TMEM181: variants seen among roughly 807,000 people sequenced by gnomAD.
TMEM181 encodes the protein G protein-coupled receptor 178.
TMEM181 carries 39 observed loss-of-function variants against 71.9 expected under a neutral mutation model. That is an observed-to-expected ratio of 0.54 (90% confidence interval 0.42 to 0.71). TMEM181 has a LOEUF of 0.71. Ranked by LOEUF, TMEM181 falls within the 30% of genes least tolerant of loss-of-function variation. The pLI, the probability that TMEM181 is intolerant of heterozygous loss-of-function variation, is 0.00. For missense variants in TMEM181, 595 were observed against 583.0 expected (o/e 1.02, Z -0.21); for synonymous variants, 245 against 228.8 (o/e 1.07, Z -0.64).
At chr6:158,601,643 C>T (rs1427342931) in intron 6 of TMEM181, among the ~76,000 whole-genome samples, 1 of 151,826 alleles carries the variant, frequency 6.6e-6, no homozygotes, top group African/African-American at 2.4e-5. Flanking sequence ...CCTGTAGTCC[C>T]AGCTGCTTGG....
intron 1 of TMEM181, among the ~76,000 whole-genome samples, chr6:158,551,254 C>G (rs1039131217): frequency 6.6e-6 from 1 of 152,084 alleles, no homozygotes; most frequent in African/African-American, 2.4e-5. Flanking sequence ...ACCACTGTGC[C>G]CGGCTCAATT....
At chr6:158,583,189 C>A (rs551835701) in intron 3 of TMEM181, among the ~76,000 whole-genome samples, 6 of 152,014 alleles carry the variant, frequency 3.9e-5, no homozygotes, top group African/African-American at 1.5e-4. Flanking sequence ...GCCGAGATCA[C>A]GCCCCTGCTC....
chr6:158,554,571 A>G (rs995300319), intron 1 of TMEM181, among the ~76,000 whole-genome samples: 1 of 152,204 alleles, frequency 6.6e-6, no homozygotes, highest in Non-Finnish European at 1.5e-5. Flanking sequence ...TTCATTATAC[A>G]TTGTTTTGCT....
chr6:158,560,139 G>C lies in TMEM181; in HGVS notation c.-86G>C. 1 of 984,854 alleles carries C rather than the reference G, an allele frequency of 1.0e-6. No individual in the cohort carries two copies. Among genetic ancestry groups the C allele is most frequent in the Non-Finnish European group, 1.2e-6 (1 of 829,710 alleles). 61.0% of individuals were successfully genotyped at this position (984,854 alleles called of 1,614,324 possible). On this transcript the variant is annotated 5_prime_UTR_variant, in exon 1 of 17. Transcript: ENST00000684151. Reference sequence around the variant, plus strand: ...CTCAGCCGCTGTCGCTCCGGCTCCGGCTGCGGCTGCCGCTGCCGAGGCTGC... The same window carrying C: ...CTCAGCCGCTGTCGCTCCGGCTCCGCCTGCGGCTGCCGCTGCCGAGGCTGC...
At chr6:158,622,586 C>G (rs576255595) in intron 10 of TMEM181, among the ~76,000 whole-genome samples, 2 of 152,316 alleles carry the variant, frequency 1.3e-5, no homozygotes, top group South Asian at 4.2e-4. Context: ...CAATTTAAAA[C>G]TTAGGGAATG....
chr6:158,537,743 T>A (rs1781178773), intron 1 of TMEM181, among the ~76,000 whole-genome samples: 1 of 152,156 alleles, frequency 6.6e-6, no homozygotes, highest in African/African-American at 2.4e-5. Context: ...TAATCATGAT[T>A]TACTCACTCT....
At position 158,631,806 on chromosome 6, in the gene TMEM181, A is replaced by G; in HGVS notation, c.1350-4A>G. 6.3e-7 allele frequency: 1 copy of G among 1,594,758 alleles called. No homozygotes were observed. The highest frequency in any genetic ancestry group is 8.5e-7 in the Non-Finnish European group (1 of 1,170,096). ...GACGGTCTCAAAGGTCTCTTTGCTC[A>G]CAGGAGTGACTATGAGGAAATGCCG... is the stretch of plus-strand genomic sequence containing the variant. On this transcript the variant is annotated splice_region_variant and splice_polypyrimidine_tract_variant and intron_variant, in intron 16 of 16. Coordinates refer to ENST00000684151, the MANE Select transcript of TMEM181 (RefSeq NM_001376852.1).
At chr6:158,610,052 C>A (rs540855209) in intron 10 of TMEM181, 1 of 220,400 alleles carries the variant, frequency 4.5e-6, no homozygotes, top group East Asian at 1.1e-4. Flanking sequence ...AGAGAACACA[C>A]ATTTTCTCAT....
Position 158,605,318 on chromosome 6 carries a change from T to A in TMEM181, c.544T>A (p.Phe182Ile), listed in dbSNP as rs1784895685. 6.2e-7 allele frequency: 1 copy of A among 1,614,030 alleles called. No individual in the cohort carries two copies. The highest frequency in any genetic ancestry group is 1.1e-5 in the South Asian group (1 of 91,084). Reference protein sequence around the residue: ...FSRLEIWFRFFFVVLTFIVTC... With the variant: ...FSRLEIWFRFIFVVLTFIVTC... ...CCGGTTGGAAATCTGGTTCCGGTTTTTCTTTGTGGTGCTCACCTTCATCGT... is the reference window on the plus strand; with the variant it reads ...CCGGTTGGAAATCTGGTTCCGGTTTATCTTTGTGGTGCTCACCTTCATCGT... Residue 182 changes from phenylalanine to isoleucine, a missense_variant, in exon 7 of 17, where the codon TTC becomes ATC. Physicochemically the swap from Phe to Ile is conservative, Grantham distance 21. Transcript: ENST00000684151.
chr6:158,626,452 C>T lies in TMEM181; in HGVS notation c.1109+698C>T, dbSNP rs556170132. The T allele has an allele frequency of 9.2e-5, 42 of 456,614 alleles. No homozygotes were observed. The Middle Eastern group carries it at 7.5e-3, about 81-fold the overall frequency. 28.3% of individuals were successfully genotyped at this position (456,614 alleles called of 1,614,324 possible). A position where few individuals can be genotyped will look rare whatever the true frequency, so the allele number is the denominator to read the frequency against. ...TTAGGTTGTTTGGATGGCAAATAAG[C>T]GGATGTTGGCCCTTTTCCTTTATGA... is the stretch of plus-strand genomic sequence containing the variant. On this transcript the variant is annotated intron_variant, in intron 13 of 16. Coordinates refer to ENST00000684151, the MANE Select transcript of TMEM181 (RefSeq NM_001376852.1).
chr6:158,628,203 C>G lies in TMEM181; in HGVS notation c.1110-205C>G. On this transcript the variant is annotated intron_variant, in intron 13 of 16. Coordinates refer to ENST00000684151, the MANE Select transcript of TMEM181 (RefSeq NM_001376852.1). ...CCGGTGGGTCTAGCCCACCTAGATC[C>G]GAGACCAAAAACCAGAAGCAGGGGC... 4.3e-6 allele frequency: 3 copies of G among 697,020 alleles called. No homozygotes were observed. In the African/African-American group the frequency reaches 5.2e-5, roughly 12 times the overall value. 43.2% of individuals were successfully genotyped at this position (697,020 alleles called of 1,614,324 possible). A position where few individuals can be genotyped will look rare whatever the true frequency, so the allele number is the denominator to read the frequency against.
Position 158,560,665 on chromosome 6 carries a change from G to C in TMEM181, c.8+433G>C, listed in dbSNP as rs569485134. Among the ~76,000 whole-genome samples, 17 of 152,348 alleles carry C rather than the reference G, an allele frequency of 1.1e-4. No individual in the cohort carries two copies. The South Asian group carries it at 3.1e-3, about 28-fold the overall frequency. Reference sequence around the variant, plus strand: ...CCCCTCGGTATCGAGAGCGCCCCGCGCTGCCCTGCGGTCTCGCCCAGCGCC... The same window carrying C: ...CCCCTCGGTATCGAGAGCGCCCCGCCCTGCCCTGCGGTCTCGCCCAGCGCC... On this transcript the variant is annotated intron_variant, in intron 1 of 16. Coordinates refer to ENST00000684151, the MANE Select transcript of TMEM181 (RefSeq NM_001376852.1).
intron 6 of TMEM181, among the ~76,000 whole-genome samples, chr6:158,594,906 C>T (rs187036226): frequency 7.2e-4 from 109 of 152,292 alleles, no homozygotes; most frequent in African/African-American, 2.5e-3. Flanking sequence ...AGGCTGGTCT[C>T]GAACTCCTGA....
At chr6:158,579,375 A>G (rs913055923) in intron 2 of TMEM181, among the ~76,000 whole-genome samples, 1 of 152,152 alleles carries the variant, frequency 6.6e-6, no homozygotes, top group African/African-American at 2.4e-5. Context: ...AGATAAATGG[A>G]CAGAGGAATG....
At position 158,585,263 on chromosome 6, in the gene TMEM181, G is replaced by T. The variant is rs201315962; in HGVS notation, c.260-41G>T. On this transcript the variant is annotated intron_variant, in intron 4 of 16. Transcript: ENST00000684151. ...GAAGGCACCTTTGTAGGTGTGATGT[G>T]CCTGGCATGGTCTCTAACACTGAAT... The T allele has an allele frequency of 1.0e-3, 1,554 of 1,544,758 alleles. 2 individuals are homozygous for T. The highest frequency in any genetic ancestry group is 1.3e-3 in the Non-Finnish European group (1,477 of 1,148,352).
rs1786781505 is a variant in TMEM181, at chr6:158,633,631, TTTG to T, written c.*1746_*1748del. ...CCTTAGAGATGTTCATGAGAAACTA[TTTG>T]TTATGACTTTCCTTTGTATCTTTCC... On this transcript the variant is annotated 3_prime_UTR_variant, in exon 17 of 17. Transcript: ENST00000684151. 1 of 152,246 alleles carries T rather than the reference TTTG, an allele frequency of 6.6e-6. No homozygotes were observed. Among genetic ancestry groups the T allele is most frequent in the Non-Finnish European group, 1.5e-5 (1 of 68,040 alleles). The allele number at this position is 152,246 out of a possible 1,614,324, so 9.4% of individuals were successfully genotyped here. A position where few individuals can be genotyped will look rare whatever the true frequency, so the allele number is the denominator to read the frequency against.
At chr6:158,605,441 T>C in intron 7 of TMEM181, 94 bp downstream of exon 7, 1 of 1,169,410 alleles carries the variant, frequency 8.6e-7, no homozygotes, top group South Asian at 1.2e-5. Flanking sequence ...CACATGGAGA[T>C]TGATCTGAAC....
intron 10 of TMEM181, among the ~76,000 whole-genome samples, chr6:158,617,730 C>T (rs1322489198): frequency 2.0e-5 from 3 of 151,958 alleles, no homozygotes; most frequent in Non-Finnish European, 2.9e-5. Flanking sequence ...TTCATTTCGT[C>T]ATTTACCCAG....
At chr6:158,546,592 T>G (rs1158197620) in intron 1 of TMEM181, among the ~76,000 whole-genome samples, 1 of 152,164 alleles carries the variant, frequency 6.6e-6, no homozygotes, top group Non-Finnish European at 1.5e-5. Flanking sequence ...ATCTTCTAGA[T>G]CTCTCTTGCC....
Sources: gnomAD v4.1 joint callset for allele counts (sites outside exome capture counted in the v4.1 genomes callset) on GRCh38, gnomAD v4.1.1 for gene constraint, MANE v1.5 for transcripts, NCBI Gene and HGNC (gene_info 2026-07-23, HGNC 2026-07-21) for gene names.